The following PTCHD4 variants were observed in gnomAD, a reference collection of about 807,000 sequenced individuals.
PTCHD4 encodes patched domain containing 4, also known as patched domain-containing protein 4.
A neutral mutation model predicts 58.1 loss-of-function variants in PTCHD4; 33 were observed. That is an observed-to-expected ratio of 0.57 (90% CI 0.43 to 0.76). The LOEUF is 0.76. PTCHD4 is among the 30% of genes least tolerant of loss of function. PTCHD4 has a pLI of 0.00. For missense variants in PTCHD4, 1,058 were observed against 1,027.1 expected (o/e 1.03, Z -0.41); for synonymous variants, 478 against 409.6 (o/e 1.17, Z -2.02).
At chr6:47,902,194 A>G (rs546590813) in intron 4 of PTCHD4, among the ~76,000 whole-genome samples, 1 of 152,324 alleles carries the variant, frequency 6.6e-6, no homozygotes, top group Non-Finnish European at 1.5e-5. Context: ...TAAATGTTTC[A>G]TACACATCAA....
intron 4 of PTCHD4, among the ~76,000 whole-genome samples, chr6:47,896,931 G>A (rs1168875873): frequency 1.3e-5 from 2 of 152,130 alleles, no homozygotes; most frequent in East Asian, 3.9e-4. Context: ...TCTCCTTGAG[G>A]ATCAGTCTTG....
chr6:48,104,386 C>T (rs1027229269), intron 1 of PTCHD4, among the ~76,000 whole-genome samples: 1 of 152,154 alleles, frequency 6.6e-6, no homozygotes, highest in Non-Finnish European at 1.5e-5. Context: ...AAATACTTTA[C>T]AGACAAGCAA....
At chr6:47,981,015 T>C (rs1442462922) in intron 4 of PTCHD4, among the ~76,000 whole-genome samples, 3 of 152,150 alleles carry the variant, frequency 2.0e-5, no homozygotes, top group Non-Finnish European at 4.4e-5. Context: ...AAGGAGTTTC[T>C]TTTTCAGGAA....
chr6:47,881,823 TA>T (rs1270346646), intron 4 of PTCHD4, among the ~76,000 whole-genome samples: 1 of 152,146 alleles, frequency 6.6e-6, no homozygotes, highest in Non-Finnish European at 1.5e-5. Flanking sequence ...ACCGCTAATG[TA>T]AAGCCTATTT....
At chr6:48,028,912 C>T (rs1763340910) in intron 3 of PTCHD4, among the ~76,000 whole-genome samples, 1 of 152,032 alleles carries the variant, frequency 6.6e-6, no homozygotes. Context: ...TTTGCTCTTT[C>T]ACTCTGTAAA....
intron 3 of PTCHD4, among the ~76,000 whole-genome samples, chr6:48,062,109 T>A (rs1252005121): frequency 6.6e-6 from 1 of 152,194 alleles, no homozygotes; most frequent in Admixed American, 6.5e-5. Flanking sequence ...TGGGTTAAAA[T>A]GCAAAATATT....
At chr6:48,082,969 A>G (rs1235045629) in intron 1 of PTCHD4, among the ~76,000 whole-genome samples, 1 of 151,912 alleles carries the variant, frequency 6.6e-6, no homozygotes, top group Non-Finnish European at 1.5e-5. Flanking sequence ...TGCTAAATAA[A>G]CATCATTTAA....
At chr6:48,037,129 G>A (rs1320552621) in intron 3 of PTCHD4, among the ~76,000 whole-genome samples, 1 of 152,052 alleles carries the variant, frequency 6.6e-6, no homozygotes, top group African/African-American at 2.4e-5. Context: ...CATCATGTAG[G>A]CATTGTATTA....
At position 47,905,583 on chromosome 6, in the gene PTCHD4, C is replaced by A. The variant is rs1764852696; in HGVS notation, c.899-25647G>T. On this transcript the variant is annotated intron_variant, in intron 4 of 4. Transcript: ENST00000339488. ...GCCTACTATGATAAATTATAAATTC[C>A]ATATGACTACTTGGAACAAGAGCAC... 2.6e-5 allele frequency among the ~76,000 whole-genome samples: 4 copies of A among 152,080 alleles called. No homozygotes were observed. The South Asian group carries it at 8.3e-4, about 32-fold the overall frequency.
intron 3 of PTCHD4, among the ~76,000 whole-genome samples, chr6:48,018,208 C>T (rs999989960): frequency 6.6e-6 from 1 of 152,158 alleles, no homozygotes; most frequent in Non-Finnish European, 1.5e-5. Context: ...TTTCAAGTTC[C>T]ATTTCTGCTA....
chr6:48,041,197 A>T (rs1763833143), intron 3 of PTCHD4, among the ~76,000 whole-genome samples: 1 of 152,076 alleles, frequency 6.6e-6, no homozygotes, highest in Non-Finnish European at 1.5e-5. Context: ...ACCTCCACCC[A>T]GGTGAGAATG....
At chr6:47,976,526 C>A (rs1441589030) in intron 4 of PTCHD4, among the ~76,000 whole-genome samples, 1 of 151,786 alleles carries the variant, frequency 6.6e-6, no homozygotes, top group Non-Finnish European at 1.5e-5. Flanking sequence ...TGGTGGCGTG[C>A]ACCTGTAATC....
chr6:48,046,122 A>G lies in PTCHD4; in HGVS notation c.417+22108T>C, dbSNP rs568831115. On this transcript the variant is annotated intron_variant, in intron 3 of 4. Coordinates refer to ENST00000339488, the MANE Select transcript of PTCHD4 (RefSeq NM_001384253.1). Reference sequence around the variant, plus strand: ...AAATGAATGTAAGTTACTTAGGAGAACAAATCAGAAAATAATCCTAAAACT... The same window carrying G: ...AAATGAATGTAAGTTACTTAGGAGAGCAAATCAGAAAATAATCCTAAAACT... Among the ~76,000 whole-genome samples the G allele has an allele frequency of 4.0e-5, 6 of 151,886 alleles. 1 individual carries two copies. Among genetic ancestry groups the G allele is most frequent in the Admixed American group, 3.3e-4 (5 of 15,212 alleles).
chr6:48,057,693 G>A (rs1368861540), intron 3 of PTCHD4, among the ~76,000 whole-genome samples: 1 of 152,174 alleles, frequency 6.6e-6, no homozygotes, highest in South Asian at 2.1e-4. Flanking sequence ...AAGAAACCAG[G>A]AAAGTTCAAG....
chr6:47,913,358 AG>A (rs1765128037), intron 4 of PTCHD4, among the ~76,000 whole-genome samples: 1 of 152,116 alleles, frequency 6.6e-6, no homozygotes, highest in South Asian at 2.1e-4. Context: ...AATGAGGACA[AG>A]TATCTCACAC....
At chr6:48,090,851 C>T (rs1024144975) in intron 1 of PTCHD4, among the ~76,000 whole-genome samples, 38 of 152,308 alleles carry the variant, frequency 2.5e-4, no homozygotes, top group Non-Finnish European at 3.4e-4. Context: ...CACAATAGCA[C>T]GTTCAGTCAT....
chr6:47,936,635 A>G (rs1009890326), intron 4 of PTCHD4, among the ~76,000 whole-genome samples: 1 of 152,058 alleles, frequency 6.6e-6, no homozygotes, highest in Non-Finnish European at 1.5e-5. Context: ...CAAACACCCC[A>G]TTTGTCCCTT....
At chr6:48,016,720 C>T (rs1307239685) in intron 3 of PTCHD4, among the ~76,000 whole-genome samples, 1 of 151,908 alleles carries the variant, frequency 6.6e-6, no homozygotes, top group African/African-American at 2.4e-5. Context: ...CAATGCAGAG[C>T]TTTCAATAGC....
rs527592433 is a variant in PTCHD4 at position 48,097,558 on chromosome 6, G to A, written c.-970+13491C>T. Among the ~76,000 whole-genome samples the A allele has an allele frequency of 5.3e-5, 8 of 152,266 alleles. No individual in the cohort carries two copies. The South Asian group carries it at 1.2e-3, about 24-fold the overall frequency. On this transcript the variant is annotated intron_variant, in intron 1 of 4. Transcript: ENST00000339488. ...AATAGAGTAAGAAATATTTCGGGGT[G>A]TTATCCAACCTGCCTCTATAAAGTT...
Sources: gnomAD v4.1 joint callset for allele counts (sites outside exome capture counted in the v4.1 genomes callset) on GRCh38, gnomAD v4.1.1 for gene constraint, MANE v1.5 for transcripts, NCBI Gene and HGNC (gene_info 2026-07-23, HGNC 2026-07-21) for gene names.